KCNQ1: variants seen among roughly 807,000 people sequenced by gnomAD.
KCNQ1 encodes potassium voltage-gated channel subfamily Q member 1.
Under a neutral mutation model 72.4 loss-of-function variants are expected in KCNQ1, and 49 were observed. The observed-to-expected ratio is 0.68, with a 90% CI of 0.54 to 0.86. The LOEUF (loss-of-function observed/expected upper bound fraction) is 0.86, where lower values mean the gene tolerates loss of function less well. Ranked by LOEUF, KCNQ1 falls within the 40% of genes least tolerant of loss-of-function variation. The pLI is 0.00. For synonymous variants in KCNQ1, 450 were observed against 412.6 expected (o/e 1.09, Z -1.10); for missense variants, 790 against 945.1 (o/e 0.84, Z 2.15).
chr11:2,551,740 C>T (rs1847986529), intron 2 of KCNQ1, among the ~76,000 whole-genome samples: 1 of 152,252 alleles, frequency 6.6e-6, no homozygotes, highest in Non-Finnish European at 1.5e-5. Flanking sequence ...CATTCTGGCT[C>T]CTATGGATTC....
intron 11 of KCNQ1, chr11:2,672,110 C>T (rs1045607749): frequency 2.0e-5 from 8 of 398,644 alleles, no homozygotes; most frequent in Non-Finnish European, 3.5e-5. Flanking sequence ...CACAGGGGAC[C>T]TTTCTTCTCC....
chr11:2,702,933 G>A (rs920175535), intron 11 of KCNQ1, among the ~76,000 whole-genome samples: 11 of 152,194 alleles, frequency 7.2e-5, no homozygotes, highest in African/African-American at 2.4e-4. Flanking sequence ...CCAGCCCAGC[G>A]CACCTGTTGT....
chr11:2,596,501 C>G (rs1299392128), intron 10 of KCNQ1, among the ~76,000 whole-genome samples: 2 of 151,356 alleles, frequency 1.3e-5, no homozygotes, highest in Non-Finnish European at 2.9e-5. Context: ...AAATGGAATA[C>G]TACTTAGAAA....
rs190268878 is a variant in KCNQ1, at chr11:2,805,142, G to A, written c.1794+27105G>A. ...GTCAGCGGGTCAGGCTGAGCCAGAC[G>A]TGGAGATGAGGCTGAGAGCCGGAAG... On this transcript the variant is annotated intron_variant, in intron 15 of 15. Coordinates refer to ENST00000155840, the MANE Select transcript of KCNQ1 (RefSeq NM_000218.3). Among the ~76,000 whole-genome samples the A allele has an allele frequency of 6.1e-3, 934 of 152,352 alleles. 11 individuals carry two copies. Among genetic ancestry groups the A allele is most frequent in the African/African-American group, 0.021 (877 of 41,574 alleles).
In KCNQ1 at chr11:2,809,726, A is replaced by C. The variant is rs1261719631; in HGVS notation, c.1794+31689A>C. 1.3e-5 allele frequency among the ~76,000 whole-genome samples: 2 copies of C among 151,578 alleles called. No individual in the cohort carries two copies. Among genetic ancestry groups the C allele is most frequent in the African/African-American group, 4.9e-5 (2 of 41,190 alleles). On this transcript the variant is annotated intron_variant, in intron 15 of 15. Coordinates refer to ENST00000155840, the MANE Select transcript of KCNQ1 (RefSeq NM_000218.3). The surrounding 1 kb of genome is among the most constrained non-coding windows in gnomAD (Gnocchi z 7.1). ...TTATCATCTCCACCACGTGCTCAAC[A>C]CTCCAGGCCAGAGCCCTTCTCTCAA...
In KCNQ1 at chr11:2,813,830, C is replaced by T. The variant is rs542745746; in HGVS notation, c.1795-33937C>T. Reference sequence around the variant, plus strand: ...AGCATTAATGAGTGTGAGTGAGTGGCGGATGAGTAGGTAGATGGACGGGGA... The same window carrying T: ...AGCATTAATGAGTGTGAGTGAGTGGTGGATGAGTAGGTAGATGGACGGGGA... On this transcript the variant is annotated intron_variant, in intron 15 of 15. Coordinates refer to ENST00000155840, the MANE Select transcript of KCNQ1 (RefSeq NM_000218.3). The surrounding 1 kb of genome is among the most constrained non-coding windows in gnomAD (Gnocchi z 4.4). Among the ~76,000 whole-genome samples the T allele has an allele frequency of 2.1e-4, 32 of 151,640 alleles. No homozygotes were observed. Among genetic ancestry groups the T allele is most frequent in the African/African-American group, 3.9e-4 (16 of 41,302 alleles).
intron 2 of KCNQ1, among the ~76,000 whole-genome samples, chr11:2,535,249 G>T (rs1475849188): frequency 6.6e-6 from 1 of 152,226 alleles, no homozygotes; most frequent in Non-Finnish European, 1.5e-5. Flanking sequence ...AGGTGAAAGT[G>T]GACCAGGGGC....
intron 15 of KCNQ1, chr11:2,839,643 G>A (rs776504956): frequency 6.6e-6 from 1 of 152,384 alleles, no homozygotes; most frequent in African/African-American, 2.4e-5. Flanking sequence ...GAGCCAGCTG[G>A]GGGAGGGAAG....
At position 2,570,140 on chromosome 11, in the gene KCNQ1, C is replaced by T. The variant is rs902579084; in HGVS notation, c.478-488C>T. On this transcript the variant is annotated intron_variant, in intron 2 of 15. Transcript: ENST00000155840. ...CTCTGACCCAGGCTAGGGTTCCTGGCGTGGGACGCCCTCTGGCCCAAGCTG... is the reference window on the plus strand; with the variant it reads ...CTCTGACCCAGGCTAGGGTTCCTGGTGTGGGACGCCCTCTGGCCCAAGCTG... Among the ~76,000 whole-genome samples, 4 of 152,204 alleles carry T rather than the reference C, an allele frequency of 2.6e-5. No homozygotes were observed. The South Asian group carries it at 6.2e-4, about 24-fold the overall frequency.
chr11:2,538,581 TC>T lies in KCNQ1; in HGVS notation c.477+10564del, dbSNP rs1173468463. On this transcript the variant is annotated intron_variant, in intron 2 of 15. Coordinates refer to ENST00000155840, the MANE Select transcript of KCNQ1 (RefSeq NM_000218.3). This position sits in a 1 kb window ranked among gnomAD's most constrained non-coding sequence, Gnocchi z 6.7. Reference sequence around the variant, plus strand: ...CATGCGAAATCTGCTTGCGGGAGAGTCGTGAAAGTGGGAATCCTGGGCTGGA... The same window carrying T: ...CATGCGAAATCTGCTTGCGGGAGAGTGTGAAAGTGGGAATCCTGGGCTGGA... 6.6e-6 allele frequency among the ~76,000 whole-genome samples: 1 copy of T among 151,142 alleles called. No individual in the cohort carries two copies. Among genetic ancestry groups the T allele is most frequent in the Non-Finnish European group, 1.5e-5 (1 of 67,782 alleles).
intron 11 of KCNQ1, chr11:2,680,349 A>G (rs1197328526): frequency 2.5e-6 from 1 of 398,396 alleles, no homozygotes; most frequent in Non-Finnish European, 4.4e-6. Context: ...TCCAGCCACA[A>G]ATAGAAGCAG....
rs752515823 is a variant in KCNQ1 at position 2,848,296 on chromosome 11, C to T, written c.*293C>T. Reference sequence around the variant, plus strand: ...CATCACTGGCATGGTGGTTGGGACCCAGTGGCAGGGCACAGGGCCTGGCCC... The same window carrying T: ...CATCACTGGCATGGTGGTTGGGACCTAGTGGCAGGGCACAGGGCCTGGCCC... On this transcript the variant is annotated 3_prime_UTR_variant, in exon 16 of 16. Coordinates refer to ENST00000155840, the MANE Select transcript of KCNQ1 (RefSeq NM_000218.3). 24 of 631,800 alleles carry T rather than the reference C, an allele frequency of 3.8e-5. 1 individual carries two copies. The highest frequency in any genetic ancestry group is 3.8e-4 in the South Asian group (24 of 63,714). The allele number at this position is 631,800 out of a possible 1,614,324, so 39.1% of individuals were successfully genotyped here.
Position 2,652,290 on chromosome 11 carries a change from T to C in KCNQ1, c.1394-9671T>C, listed in dbSNP as rs1411544994. On this transcript the variant is annotated intron_variant, in intron 10 of 15. Coordinates refer to ENST00000155840, the MANE Select transcript of KCNQ1 (RefSeq NM_000218.3). This position sits in a 1 kb window ranked among gnomAD's most constrained non-coding sequence, Gnocchi z 5.9. ...AACATCTGCACCGGTTTCCAAGGCT[T>C]CTCCCTCACTAATTGCTTTGATTAT... 1 of 398,554 alleles carries C rather than the reference T, an allele frequency of 2.5e-6. No individual in the cohort carries two copies. Among genetic ancestry groups the C allele is most frequent in the Non-Finnish European group, 4.4e-6 (1 of 226,078 alleles). The allele number at this position is 398,554 out of a possible 1,614,324, so 24.7% of individuals were successfully genotyped here.
Position 2,830,537 on chromosome 11 carries a change from G to A in KCNQ1, c.1795-17230G>A, listed in dbSNP as rs527972831. Among the ~76,000 whole-genome samples the A allele has an allele frequency of 1.3e-3, 203 of 152,208 alleles. 1 individual carries two copies. The highest frequency in any genetic ancestry group is 3.4e-3 in the Middle Eastern group (1 of 294). ...CCCAAGAACCTCTTCCTCCAGCCCC[G>A]GGAGCAGGAAGGGCGGGCTGGGAGC... is the stretch of plus-strand genomic sequence containing the variant. On this transcript the variant is annotated intron_variant, in intron 15 of 15. Transcript: ENST00000155840. The surrounding 1 kb of genome is among the most constrained non-coding windows in gnomAD (Gnocchi z 7.7).
rs552085434 is a variant in KCNQ1 at position 2,526,979 on chromosome 11, G to T, written c.387-949G>T. On this transcript the variant is annotated intron_variant, in intron 1 of 15. Coordinates refer to ENST00000155840, the MANE Select transcript of KCNQ1 (RefSeq NM_000218.3). The surrounding 1 kb of genome is among the most constrained non-coding windows in gnomAD (Gnocchi z 6.1). ...CTCCGGTCGCTGAGGATCCACGGGG[G>T]TCCCTGGAGTCTCCGGAGCCCGTGG... Among the ~76,000 whole-genome samples the T allele has an allele frequency of 9.9e-5, 15 of 152,142 alleles. No homozygotes were observed. Among genetic ancestry groups the T allele is most frequent in the Non-Finnish European group, 2.2e-4 (15 of 68,008 alleles).
rs547596198 is a variant in KCNQ1, at chr11:2,734,401, C to A, written c.1515-34443C>A. On this transcript the variant is annotated intron_variant, in intron 11 of 15. Coordinates refer to ENST00000155840, the MANE Select transcript of KCNQ1 (RefSeq NM_000218.3). This position sits in a 1 kb window ranked among gnomAD's most constrained non-coding sequence, Gnocchi z 7.0. ...TGAATGAGGAAGCTTCACAGCCCCC[C>A]GGCCACCGCAGGTCGGGGGAGCACT... 2.6e-5 allele frequency among the ~76,000 whole-genome samples: 4 copies of A among 152,352 alleles called. No homozygotes were observed. Among genetic ancestry groups the A allele is most frequent in the Admixed American group, 6.5e-5 (1 of 15,298 alleles).
chr11:2,500,058 T>C (rs1846984904), intron 1 of KCNQ1, among the ~76,000 whole-genome samples: 1 of 152,180 alleles, frequency 6.6e-6, no homozygotes. Context: ...TTAAACAATA[T>C]GCTCCTGAAT....
rs1369724360 is a variant in KCNQ1, at chr11:2,588,887, GGCCGGGAAGGTCACTGCCTTTTTTGGGA to G, written c.1393+37_1393+64del. ...CCCCTCAGGCAGTTGGGGGCCGCGG[GGCCGGGAAGGTCACTGCCTTTTTTGGGA>G]GCCCGAGCAAGCCAGTGAGTTTCTC... On this transcript the variant is annotated intron_variant, in intron 10 of 15. Transcript: ENST00000155840. The surrounding 1 kb of genome is among the most constrained non-coding windows in gnomAD (Gnocchi z 5.6). 1 of 1,608,504 alleles carries G rather than the reference GGCCGGGAAGGTCACTGCCTTTTTTGGGA, an allele frequency of 6.2e-7. No homozygotes were observed. The highest frequency in any genetic ancestry group is 8.5e-7 in the Non-Finnish European group (1 of 1,179,244).
chr11:2,795,291 T>G (rs114498257), intron 15 of KCNQ1, among the ~76,000 whole-genome samples: 3,781 of 152,358 alleles, frequency 0.025, 159 homozygotes, highest in African/African-American at 0.085. Context: ...CTGCCAGACC[T>G]GCAGTTGGGG....
Sources: gnomAD v4.1 joint callset for allele counts (sites outside exome capture counted in the v4.1 genomes callset) on GRCh38, gnomAD v4.1.1 for gene constraint, Gnocchi (gnomAD v3.1) non-coding constraint, MANE v1.5 for transcripts, NCBI Gene and HGNC (gene_info 2026-07-23, HGNC 2026-07-21) for gene names.